The following GFRA2 variants were observed in gnomAD, a reference collection of about 807,000 sequenced individuals.
GFRA2 encodes the protein GDNF family receptor alpha 2.
Under a neutral mutation model 48.3 loss-of-function variants are expected in GFRA2, and 17 were observed. The observed-to-expected ratio is 0.35, with a 90% CI of 0.24 to 0.53. The LOEUF (loss-of-function observed/expected upper bound fraction) is 0.53, where lower values mean the gene tolerates loss of function less well. Among genes scored for constraint, GFRA2 ranks in the 20% least tolerant of loss-of-function variants. The pLI is 0.93. For missense variants in GFRA2, 660 were observed against 637.3 expected (o/e 1.04, Z -0.38); for synonymous variants, 305 against 257.2 (o/e 1.19, Z -1.78).
chr8:21,764,484 T>C (rs1806060673), intron 3 of GFRA2, among the ~76,000 whole-genome samples: 1 of 152,226 alleles, frequency 6.6e-6, no homozygotes, highest in Non-Finnish European at 1.5e-5. Context: ...CATAGCACCT[T>C]AACTCATTAT....
intron 7 of GFRA2, among the ~76,000 whole-genome samples, chr8:21,701,349 G>A (rs1358299976): frequency 2.0e-4 from 31 of 152,294 alleles, no homozygotes; most frequent in African/African-American, 5.3e-4. Flanking sequence ...AGCCGAGATC[G>A]CGCCACTGCA....
At chr8:21,796,742 A>G (rs1807683628) in intron 2 of GFRA2, among the ~76,000 whole-genome samples, 1 of 152,162 alleles carries the variant, frequency 6.6e-6, no homozygotes, top group Non-Finnish European at 1.5e-5. Context: ...CTGGTATCCT[A>G]TCTCTCTTTC....
chr8:21,744,406 C>A (rs978017639), intron 4 of GFRA2, among the ~76,000 whole-genome samples: 2 of 152,110 alleles, frequency 1.3e-5, no homozygotes, highest in East Asian at 1.9e-4. Context: ...GGAGATGGCA[C>A]GGAGCCAGCA....
chr8:21,704,866 G>T (rs1185674041), intron 6 of GFRA2, 119 bp downstream of exon 6: 1 of 811,960 alleles, frequency 1.2e-6, no homozygotes, highest in African/African-American at 1.7e-5. Context: ...AACACCCATG[G>T]CGGAGAAGCC....
intron 5 of GFRA2, 45 bp from the exon 6 acceptor site, chr8:21,705,170 G>A (rs1802680241): frequency 8.3e-6 from 13 of 1,570,934 alleles, no homozygotes; most frequent in Non-Finnish European, 1.1e-5. Flanking sequence ...GTACGGTGGG[G>A]CCTTCCCCTT....
intron 7 of GFRA2, among the ~76,000 whole-genome samples, chr8:21,698,118 C>T (rs913627604): frequency 2.2e-4 from 34 of 152,312 alleles, no homozygotes; most frequent in Middle Eastern, 3.4e-3. Flanking sequence ...CAGAGCTTCT[C>T]ATCCCCTAGA....
chr8:21,775,989 CTGTGTGTGTGTGTGTGTGTGTGTGTG>C (rs200687629), intron 2 of GFRA2, among the ~76,000 whole-genome samples: 6 of 126,402 alleles, frequency 4.7e-5, no homozygotes, highest in Non-Finnish European at 1.0e-4. Context: ...CACTCATCCT[CTGTGTGTGTGTGTGTGTGTGTGTGTG>C]TGTGTGTGTG....
intron 4 of GFRA2, among the ~76,000 whole-genome samples, chr8:21,738,209 CCCTCCT>C (rs1161117628): frequency 2.5e-4 from 23 of 90,252 alleles, no homozygotes; most frequent in Non-Finnish European, 5.1e-4. Flanking sequence ...CTCCTCCTCC[CCCTCCT>C]CCTCCTCCCC....
At chr8:21,712,033 G>T (rs1468294273) in intron 4 of GFRA2, among the ~76,000 whole-genome samples, 2 of 152,210 alleles carry the variant, frequency 1.3e-5, no homozygotes, top group African/African-American at 4.8e-5. Flanking sequence ...CAAGGAAGAA[G>T]AATTTTTCTT....
rs192569440 is a variant in GFRA2 at position 21,701,496 on chromosome 8, G to A, written c.1218+1309C>T. The stretch of plus-strand genomic sequence containing the variant: ...AGAAGCCTGGAGAGTGGTAGAGGTT[G>A]GACCCCTTTGGAGGGTCTATTTCTC... On this transcript the variant is annotated intron_variant, in intron 7 of 8. Transcript: ENST00000524240. 1.2e-4 allele frequency among the ~76,000 whole-genome samples: 19 copies of A among 152,342 alleles called. No individual in the cohort carries two copies. The East Asian group carries it at 3.5e-3, about 28-fold the overall frequency.
At chr8:21,705,616 G>C (rs1164863867) in intron 5 of GFRA2, among the ~76,000 whole-genome samples, 2 of 152,212 alleles carry the variant, frequency 1.3e-5, no homozygotes, top group African/African-American at 4.8e-5. Context: ...AATTCAGTAA[G>C]ACAGTCCGTG....
chr8:21,772,739 A>G (rs1277164515), intron 3 of GFRA2, among the ~76,000 whole-genome samples: 2 of 152,200 alleles, frequency 1.3e-5, no homozygotes, highest in South Asian at 2.1e-4. Context: ...GGTGAGCTGC[A>G]GACCTAGTAA....
chr8:21,794,212 T>C (rs1807628019), intron 2 of GFRA2, among the ~76,000 whole-genome samples: 2 of 150,070 alleles, frequency 1.3e-5, no homozygotes, highest in Non-Finnish European at 3.0e-5. Context: ...TCTAAAAAAA[T>C]TAAGCTTATC....
intron 4 of GFRA2, among the ~76,000 whole-genome samples, chr8:21,722,720 G>A (rs552014283): frequency 1.3e-5 from 2 of 152,148 alleles, no homozygotes; most frequent in South Asian, 4.1e-4. Context: ...CCAGTCAGAG[G>A]CCCTCTCCCT....
At chr8:21,768,198 G>T (rs1806273009) in intron 3 of GFRA2, among the ~76,000 whole-genome samples, 1 of 152,258 alleles carries the variant, frequency 6.6e-6, no homozygotes, top group Non-Finnish European at 1.5e-5. Flanking sequence ...AAGGGGAGGT[G>T]TCGGAGGTGA....
chr8:21,808,597 G>A (rs1405993389), intron 1 of GFRA2, among the ~76,000 whole-genome samples: 1 of 152,228 alleles, frequency 6.6e-6, no homozygotes, highest in Non-Finnish European at 1.5e-5. Context: ...CGCAGGTCCA[G>A]GCACAAAGGG....
chr8:21,743,305 G>A (rs936585419), intron 4 of GFRA2, among the ~76,000 whole-genome samples: 3 of 152,270 alleles, frequency 2.0e-5, no homozygotes, highest in East Asian at 3.9e-4. Context: ...TGGACTCTGG[G>A]CACTGCTCAA....
At chr8:21,713,034 G>C (rs1457668192) in intron 4 of GFRA2, among the ~76,000 whole-genome samples, 1 of 148,398 alleles carries the variant, frequency 6.7e-6, no homozygotes, top group Non-Finnish European at 1.5e-5. Context: ...GGGAGAGGGA[G>C]ACGAGGGAGA....
At chr8:21,805,478 T>C (rs560531342) in intron 1 of GFRA2, among the ~76,000 whole-genome samples, 5 of 152,306 alleles carry the variant, frequency 3.3e-5, no homozygotes, top group African/African-American at 1.2e-4. Context: ...CCAGTATATG[T>C]TACAGTGGCT....
Sources: allele counts gnomAD v4.1 joint callset (sites outside exome capture counted in the v4.1 genomes callset), GRCh38; gene constraint gnomAD v4.1.1; transcripts MANE v1.5; gene names NCBI Gene and HGNC (gene_info 2026-07-23, HGNC 2026-07-21).